Variants in CKAP5 observed in about 807,000 individuals in gnomAD.
The protein encoded by CKAP5 is cytoskeleton associated protein 5.
In CKAP5, 27 loss-of-function variants were observed where a neutral mutation model predicts 232.8. The observed-to-expected ratio is 0.12, with a 90% confidence interval of 0.09 to 0.16. The LOEUF (loss-of-function observed/expected upper bound fraction) is 0.16, where lower values mean the gene tolerates loss of function less well. Among genes scored for constraint, CKAP5 ranks in the 10% least tolerant of loss-of-function variants. The pLI, the probability that CKAP5 is intolerant of heterozygous loss-of-function variation, is 1.00. For synonymous variants in CKAP5, 785 were observed against 841.1 expected, an observed-to-expected ratio of 0.93 and a Z score of 1.16; for missense variants, 1,838 against 2,424.7, an observed-to-expected ratio of 0.76 and a Z score of 5.08.
intron 1 of CKAP5, among the ~76,000 whole-genome samples, chr11:46,841,183 T>A (rs1230399997): frequency 6.6e-6 from 1 of 151,206 alleles, no homozygotes; most frequent in Non-Finnish European, 1.5e-5. Context: ...GGAAGGAGAA[T>A]CTCTTGAACC....
intron 18 of CKAP5, 66 bp from the exon 19 acceptor site, chr11:46,780,551 T>C: frequency 7.3e-7 from 1 of 1,370,346 alleles, no homozygotes; most frequent in Admixed American, 1.9e-5. Flanking sequence ...TAACGTTTTA[T>C]AAAGCCAGAC....
chr11:46,750,490 A>C, intron 41 of CKAP5, 38 bp downstream of exon 41: 1 of 1,612,206 alleles, frequency 6.2e-7, no homozygotes, highest in Non-Finnish European at 8.5e-7. Context: ...CTTTACCATA[A>C]AGCAGACCCC....
chr11:46,752,777 G>T, intron 37 of CKAP5, 67 bp from the exon 38 acceptor site: 1 of 1,216,366 alleles, frequency 8.2e-7, no homozygotes, highest in South Asian at 1.3e-5. Context: ...ATCAGCAGTT[G>T]AAAGGGCAAG....
rs751543032 is a variant in CKAP5, at chr11:46,758,998, T to C, written c.4614A>G (p.Thr1538=). Residue 1538 remains threonine (T), a synonymous_variant, in exon 35 of 44, where the codon ACA becomes ACG. Transcript: ENST00000529230. ...SPHFDDMHSN[T]ASTINFIISQ... is the part of the protein sequence containing the mutation. ...AGATAATGAAATTGATTGTGGATGC[T>C]GTATTACTGTGCATGTCATCGAAGT... The C allele has an allele frequency of 3.1e-6, 5 of 1,613,430 alleles. No homozygotes were observed. The highest frequency in any genetic ancestry group is 1.3e-5 in the African/African-American group (1 of 74,718).
At chr11:46,830,777 C>T (rs1280862498) in intron 1 of CKAP5, among the ~76,000 whole-genome samples, 2 of 152,068 alleles carry the variant, frequency 1.3e-5, no homozygotes, top group African/African-American at 4.8e-5. Context: ...AAATTATTAA[C>T]CATGGGCCGG....
chr11:46,795,892 G>C, intron 12 of CKAP5, 116 bp from the exon 13 acceptor site: 1 of 887,490 alleles, frequency 1.1e-6, no homozygotes, highest in African/African-American at 1.7e-5. Flanking sequence ...GGCCAGGCAA[G>C]GTGGCTCACA....
intron 26 of CKAP5, among the ~76,000 whole-genome samples, chr11:46,769,448 C>A (rs957681109): frequency 3.3e-5 from 5 of 152,122 alleles, no homozygotes; most frequent in Non-Finnish European, 5.9e-5. Context: ...GTAAGTCCAG[C>A]ACTTTAGGAG....
At chr11:46,817,605 CT>C in intron 3 of CKAP5, among the ~76,000 whole-genome samples, 1 of 152,216 alleles carries the variant, frequency 6.6e-6, no homozygotes, top group African/African-American at 2.4e-5. Context: ...TAATGATGAT[CT>C]TTATTGGTAT....
Position 46,803,055 on chromosome 11 carries a change from G to A in CKAP5, c.979-1751C>T, listed in dbSNP as rs145967405. 5.5e-3 allele frequency among the ~76,000 whole-genome samples: 831 copies of A among 152,030 alleles called. 7 individuals carry two copies. The highest frequency in any genetic ancestry group is 0.019 in the African/African-American group (802 of 41,496). ...GAGGTGGGAGGATCGCTTGAGCCCA[G>A]GAGTTCAAGACCAACCTGGGCAACA... On this transcript the variant is annotated intron_variant, in intron 8 of 43. Transcript: ENST00000529230.
At chr11:46,819,202 A>G (rs1939471961) in intron 2 of CKAP5, among the ~76,000 whole-genome samples, 1 of 152,204 alleles carries the variant, frequency 6.6e-6, no homozygotes, top group Non-Finnish European at 1.5e-5. Flanking sequence ...ATGGTAATTG[A>G]GCTGAGCCCT....
chr11:46,744,596 A>G lies in CKAP5; in HGVS notation c.5705-19T>C, dbSNP rs1353386784. On this transcript the variant is annotated intron_variant, in intron 42 of 43. Coordinates refer to ENST00000529230, the MANE Select transcript of CKAP5 (RefSeq NM_001008938.4). Reference sequence around the variant, plus strand: ...GAGATGCCTAGAGGGGAAAAAGTAGAAAGAATATTCAGATATCCACATATC... The same window carrying G: ...GAGATGCCTAGAGGGGAAAAAGTAGGAAGAATATTCAGATATCCACATATC... 2 of 1,611,688 alleles carry G rather than the reference A, an allele frequency of 1.2e-6. No homozygotes were observed. The highest frequency in any genetic ancestry group is 2.7e-5 in the African/African-American group (2 of 74,996).
rs754294452 is a variant in CKAP5, at chr11:46,811,186, T to C, written c.459-8A>G. The C allele has an allele frequency of 6.4e-5, 103 of 1,608,958 alleles. No homozygotes were observed. Among genetic ancestry groups the C allele is most frequent in the Non-Finnish European group, 8.7e-5 (103 of 1,177,710 alleles). On this transcript the variant is annotated splice_region_variant and splice_polypyrimidine_tract_variant and intron_variant, in intron 4 of 43. Coordinates refer to ENST00000529230, the MANE Select transcript of CKAP5 (RefSeq NM_001008938.4). ...ATTTTGGAACCAAATTCACTACAAG[T>C]AAAAAATTGGGAAAAAACTGTCAAC...
chr11:46,765,053 C>G lies in CKAP5; in HGVS notation c.3537+78G>C, dbSNP rs541528386. On this transcript the variant is annotated intron_variant, in intron 28 of 43. Coordinates refer to ENST00000529230, the MANE Select transcript of CKAP5 (RefSeq NM_001008938.4). Reference sequence around the variant, plus strand: ...TTAATTCCTAGATATTAAACAATAACATGAATTCAGACAGCAAAACTATTC... The same window carrying G: ...TTAATTCCTAGATATTAAACAATAAGATGAATTCAGACAGCAAAACTATTC... 15 of 1,345,256 alleles carry G rather than the reference C, an allele frequency of 1.1e-5. No individual in the cohort carries two copies. In the Admixed American group the frequency reaches 3.0e-4, roughly 27 times the overall value. 83.3% of individuals were successfully genotyped at this position (1,345,256 alleles called of 1,614,324 possible). A position where few individuals can be genotyped will look rare whatever the true frequency, so the allele number is the denominator to read the frequency against.
chr11:46,822,765 G>T (rs912774399), intron 1 of CKAP5, among the ~76,000 whole-genome samples: 13 of 112,348 alleles, frequency 1.2e-4, no homozygotes, highest in African/African-American at 4.5e-4. Context: ...AAAAAAAAAA[G>T]AAAGAAAAGG....
Position 46,762,154 on chromosome 11 carries a change from C to G in CKAP5, c.4067G>C (p.Gly1356Ala), listed in dbSNP as rs1248525588. The G allele has an allele frequency of 1.2e-6, 2 of 1,613,906 alleles. No individual in the cohort carries two copies. ...TGGGGTTGGTTGGCAAACATTCATG[C>G]CATAGGACTCAACCAGACATCCCAG... ...EELGCLVESYGMNVCQPTPGK... is the reference protein window; with the variant it reads ...EELGCLVESYAMNVCQPTPGK... Residue 1356 changes from glycine (G) to alanine (A), a missense_variant, in exon 32 of 44, where the codon GGC becomes GCC. Around this residue, in one of 6 missense-constraint regions of CKAP5, gnomAD observed 579 missense variants for 843.2 expected, o/e 0.69. Transcript: ENST00000529230.
At position 46,778,154 on chromosome 11, in the gene CKAP5, A is replaced by G. The variant is rs201258480; in HGVS notation, c.2733T>C (p.Asp911=). ...LPTALKGRLN[D]SNKILVQQTL... ...CTCTACATACCAAGATTTTATTTGA[A>G]TCATTGAGTCGACCCTTCAAGGCAG... is the stretch of plus-strand genomic sequence containing the variant. The change falls in exon 22 of 44, where the codon GAT becomes GAC. Residue 911 remains aspartate (D), a synonymous_variant. Coordinates refer to ENST00000529230, the MANE Select transcript of CKAP5 (RefSeq NM_001008938.4). 6.2e-7 allele frequency: 1 copy of G among 1,613,526 alleles called. No individual in the cohort carries two copies. Among genetic ancestry groups the G allele is most frequent in the Non-Finnish European group, 8.5e-7 (1 of 1,179,846 alleles).
At position 46,790,144 on chromosome 11, in the gene CKAP5, T is replaced by A. The variant is rs759424679; in HGVS notation, c.1807A>T (p.Thr603Ser). 1.2e-6 allele frequency: 2 copies of A among 1,611,416 alleles called. No individual in the cohort carries two copies. The highest frequency in any genetic ancestry group is 8.5e-7 in the Non-Finnish European group (1 of 1,178,036). Residue 603 changes from threonine (T) to serine (S), a missense_variant, in exon 15 of 44, where the codon ACC becomes TCC. Coordinates refer to ENST00000529230, the MANE Select transcript of CKAP5 (RefSeq NM_001008938.4). ...EEKASAVLPP[T>S]CIQLLDSSNW... is the part of the protein sequence containing the mutation. ...CTGCTGTCAAGAAGCTGTATACAGG[T>A]AGGGGGAAGAACAGCTGAAGCTTTT...
chr11:46,785,967 A>C (rs1433275186), intron 16 of CKAP5, among the ~76,000 whole-genome samples: 1 of 152,186 alleles, frequency 6.6e-6, no homozygotes, highest in Non-Finnish European at 1.5e-5. Context: ...AATTTGACAT[A>C]GCAGGCATGT....
At chr11:46,776,144 G>C (rs2065289218) in intron 24 of CKAP5, 111 bp downstream of exon 24, 1 of 896,090 alleles carries the variant, frequency 1.1e-6, no homozygotes, top group African/African-American at 1.7e-5. Flanking sequence ...TTTATTAACT[G>C]TTTTATAATG....
Sources: gnomAD v4.1 joint callset for allele counts (sites outside exome capture counted in the v4.1 genomes callset) on GRCh38, gnomAD v4.1.1 for gene constraint, gnomAD v4.1.1 regional missense constraint, MANE v1.5 for transcripts, NCBI Gene and HGNC (gene_info 2026-07-23, HGNC 2026-07-21) for gene names.